The following MYO16 variants were observed in gnomAD, a reference collection of about 807,000 sequenced individuals.
MYO16 encodes unconventional myosin-XVI.
A neutral mutation model predicts 205.3 loss-of-function variants in MYO16; 94 were observed. That is an observed-to-expected ratio of 0.46 (90% CI 0.39 to 0.54). The LOEUF is 0.54. Among genes scored for constraint, MYO16 ranks in the 20% least tolerant of loss-of-function variants. The probability of loss-of-function intolerance (pLI) is 0.00; values close to 1 mark genes in which losing one functional copy is unlikely to be tolerated. For missense variants in MYO16, 2,315 were observed against 2,387.5 expected (o/e 0.97, Z 0.63); for synonymous variants, 988 against 954.0 (o/e 1.04, Z -0.66).
intron 16 of MYO16, among the ~76,000 whole-genome samples, chr13:108,919,827 T>C (rs1299897859): frequency 2.6e-5 from 4 of 152,238 alleles, no homozygotes; most frequent in African/African-American, 9.6e-5. Flanking sequence ...CACGTATGAC[T>C]CATGTGCTCA....
At chr13:109,153,419 G>T (rs1394703717) in intron 32 of MYO16, among the ~76,000 whole-genome samples, 2 of 137,864 alleles carry the variant, frequency 1.5e-5, no homozygotes, top group Non-Finnish European at 3.2e-5. Context: ...AGAAAGGATA[G>T]ATTTTTTTCT....
chr13:108,765,453 C>T (rs1885748745), intron 4 of MYO16, among the ~76,000 whole-genome samples: 1 of 152,148 alleles, frequency 6.6e-6, no homozygotes, highest in Non-Finnish European at 1.5e-5. Context: ...TGGAAAATAA[C>T]AATATTCCCT....
chr13:108,990,779 C>CA (rs1364219857), intron 20 of MYO16, among the ~76,000 whole-genome samples: 1 of 151,858 alleles, frequency 6.6e-6, no homozygotes, highest in Non-Finnish European at 1.5e-5. Context: ...CCATATATAA[C>CA]AAAAAATATT....
At chr13:108,621,186 C>G (rs1169932863) in intron 1 of MYO16, among the ~76,000 whole-genome samples, 2 of 152,128 alleles carry the variant, frequency 1.3e-5, no homozygotes, top group Non-Finnish European at 2.9e-5. Context: ...CATGCATTTT[C>G]TAGTGTAGTC....
At chr13:109,108,568 A>G (rs999895587) in intron 28 of MYO16, among the ~76,000 whole-genome samples, 2 of 152,224 alleles carry the variant, frequency 1.3e-5, no homozygotes, top group African/African-American at 4.8e-5. Context: ...ACTGATCACC[A>G]TATGAGTTCC....
chr13:108,664,818 C>T (rs1381367169), intron 1 of MYO16, among the ~76,000 whole-genome samples: 1 of 152,130 alleles, frequency 6.6e-6, no homozygotes, highest in Admixed American at 6.6e-5. Flanking sequence ...ATTACAGGTG[C>T]TTTGACTGGT....
chr13:108,733,655 A>G (rs1398086784), intron 4 of MYO16, among the ~76,000 whole-genome samples: 1 of 152,198 alleles, frequency 6.6e-6, no homozygotes, highest in South Asian at 2.1e-4. Context: ...TTGGGGAAGA[A>G]TATTAAGAAA....
chr13:109,130,794 G>A (rs576523990), intron 31 of MYO16, among the ~76,000 whole-genome samples: 40 of 152,324 alleles, frequency 2.6e-4, no homozygotes, highest in South Asian at 1.5e-3. Context: ...AACACAATCC[G>A]AGTATAATCT....
rs58305197 is a variant in MYO16 at position 108,955,581 on chromosome 13, G to A, written c.1926-2107G>A. ...TTAAAGTCACCTTCTCCAGCCAGGC[G>A]CGGTGGCTCATGCCTGTAAACCCAG... On this transcript the variant is annotated intron_variant, in intron 16 of 34. Coordinates refer to ENST00000457511, the MANE Select transcript of MYO16 (RefSeq NM_001198950.3). Among the ~76,000 whole-genome samples the A allele has an allele frequency of 2.7e-3, 404 of 152,220 alleles. 4 individuals are homozygous for A. The highest frequency in any genetic ancestry group is 9.2e-3 in the African/African-American group (382 of 41,530).
chr13:108,942,347 A>G (rs980614528), intron 16 of MYO16, among the ~76,000 whole-genome samples: 2 of 152,218 alleles, frequency 1.3e-5, no homozygotes, highest in African/African-American at 4.8e-5. Context: ...TGTTTGAAGA[A>G]TTCCCAAGAT....
At chr13:108,990,979 CCAAT>C (rs1884808920) in intron 20 of MYO16, among the ~76,000 whole-genome samples, 1 of 152,112 alleles carries the variant, frequency 6.6e-6, no homozygotes, top group Admixed American at 6.6e-5. Flanking sequence ...AATTTAACGA[CCAAT>C]CAAATAATGG....
At chr13:109,004,628 C>T (rs1885329501) in intron 21 of MYO16, among the ~76,000 whole-genome samples, 1 of 152,048 alleles carries the variant, frequency 6.6e-6, no homozygotes, top group Non-Finnish European at 1.5e-5. Flanking sequence ...CTTTCCAAAA[C>T]CATTACTGGA....
intron 4 of MYO16, among the ~76,000 whole-genome samples, chr13:108,727,963 G>C (rs1039422548): frequency 6.6e-6 from 1 of 151,692 alleles, no homozygotes; most frequent in Non-Finnish European, 1.5e-5. Flanking sequence ...TTTTTTCTTG[G>C]TTACATCTAG....
At chr13:108,945,703 A>G (rs374187520) in intron 16 of MYO16, among the ~76,000 whole-genome samples, 2 of 152,196 alleles carry the variant, frequency 1.3e-5, no homozygotes, top group African/African-American at 2.4e-5. Flanking sequence ...ATATCCTATT[A>G]CTGATGTCAT....
chr13:109,027,716 G>A (rs895783378), intron 23 of MYO16, among the ~76,000 whole-genome samples: 7 of 152,050 alleles, frequency 4.6e-5, no homozygotes, highest in Non-Finnish European at 1.0e-4. Context: ...TTAAGTACAG[G>A]ACAAGCAATA....
chr13:109,203,964 G>A (rs1020411296), intron 34 of MYO16, among the ~76,000 whole-genome samples: 7 of 152,242 alleles, frequency 4.6e-5, no homozygotes, highest in African/African-American at 1.7e-4. Context: ...ATATCATGTG[G>A]TTTATCTTCC....
chr13:109,157,374 T>C (rs1182427128), intron 32 of MYO16, among the ~76,000 whole-genome samples: 4 of 150,960 alleles, frequency 2.6e-5, no homozygotes, highest in South Asian at 2.1e-4. Flanking sequence ...GGTGCGGAGG[T>C]GTGGGCAGAG....
the MYO16 span, among the ~76,000 whole-genome samples, chr13:108,500,708 C>A: frequency 6.6e-6 from 1 of 152,188 alleles, no homozygotes; most frequent in Non-Finnish European, 1.5e-5. Context: ...TCATGCCCTG[C>A]CAGGGCTAAG....
intron 16 of MYO16, among the ~76,000 whole-genome samples, chr13:108,950,700 G>A (rs530217168): frequency 3.3e-5 from 5 of 152,242 alleles, no homozygotes; most frequent in South Asian, 2.1e-4. Flanking sequence ...CTCAGCATCC[G>A]ACCAAGAGAA....
Sources: gnomAD v4.1 joint callset for allele counts (sites outside exome capture counted in the v4.1 genomes callset) on GRCh38, gnomAD v4.1.1 for gene constraint, MANE v1.5 for transcripts, NCBI Gene and HGNC (gene_info 2026-07-23, HGNC 2026-07-21) for gene names.